SOX13: variants seen among roughly 807,000 people sequenced by gnomAD.
SOX13 encodes the protein transcription factor SOX-13.
SOX13 carries 28 observed loss-of-function variants against 71.8 expected under a neutral mutation model. The ratio of observed to expected loss-of-function variants is 0.39; its 90% CI spans 0.29 to 0.53. The LOEUF (loss-of-function observed/expected upper bound fraction) is 0.53. SOX13 is among the 20% of genes least tolerant of loss of function. The pLI, the probability that SOX13 is intolerant of heterozygous loss-of-function variation, is 0.70. For missense variants in SOX13, 627 were observed against 810.3 expected, an observed-to-expected ratio of 0.77 and a Z score of 2.75; for synonymous variants, 309 against 317.8, an observed-to-expected ratio of 0.97 and a Z score of 0.29.
At chr1:204,075,923 A>T (rs1259969133) in intron 1 of SOX13, among the ~76,000 whole-genome samples, 1 of 152,200 alleles carries the variant, frequency 6.6e-6, no homozygotes, top group African/African-American at 2.4e-5. Context: ...GCACTTGGTG[A>T]TTGTGCTCAA....
At chr1:204,112,824 T>TCA (rs1656613003) in intron 1 of SOX13, 91 bp from the exon 2 acceptor site, 1 of 1,015,598 alleles carries the variant, frequency 9.8e-7, no homozygotes, top group African/African-American at 1.6e-5. Flanking sequence ...GGCACTTGGG[T>TCA]GGGGTCAGGG....
At chr1:204,083,787 G>C (rs1655958868) in intron 1 of SOX13, among the ~76,000 whole-genome samples, 3 of 152,202 alleles carry the variant, frequency 2.0e-5, no homozygotes, top group Non-Finnish European at 4.4e-5. Context: ...GGGGCTGAAA[G>C]ACCATGAAGC....
Position 204,123,270 on chromosome 1 carries a change from A to G in SOX13, c.1231+62A>G. 2 of 1,362,926 alleles carry G rather than the reference A, an allele frequency of 1.5e-6. No homozygotes were observed. The highest frequency in any genetic ancestry group is 2.1e-6 in the Non-Finnish European group (2 of 952,472). The allele number at this position is 1,362,926 out of a possible 1,614,324, so 84.4% of individuals were successfully genotyped here. A position where few individuals can be genotyped will look rare whatever the true frequency, so the allele number is the denominator to read the frequency against. On this transcript the variant is annotated intron_variant, in intron 11 of 13. Coordinates refer to ENST00000367204, the MANE Select transcript of SOX13 (RefSeq NM_005686.3). This position sits in a 1 kb window ranked among gnomAD's most constrained non-coding sequence, Gnocchi z 5.0. ...CCCAACTCTGTATTCCACCAGGGCC[A>G]GGGCTGTGTCTGCCTCTGATCTCTT...
Position 204,123,495 on chromosome 1 carries a change from G to A in SOX13, c.1232-166G>A, listed in dbSNP as rs763779633. On this transcript the variant is annotated intron_variant, in intron 11 of 13. Coordinates refer to ENST00000367204, the MANE Select transcript of SOX13 (RefSeq NM_005686.3). The surrounding 1 kb of genome is among the most constrained non-coding windows in gnomAD (Gnocchi z 5.0). ...GCTGGGCCTCTGCGGATAATTTGCT[G>A]TTTCTTCTGCCCCATCTGCTCCTGC... is the stretch of plus-strand genomic sequence containing the variant. 6.6e-6 allele frequency among the ~76,000 whole-genome samples: 1 copy of A among 152,194 alleles called. No individual in the cohort carries two copies. Among genetic ancestry groups the A allele is most frequent in the Non-Finnish European group, 1.5e-5 (1 of 68,044 alleles).
rs1656710173 is a variant in SOX13 at position 204,117,102 on chromosome 1, C to G, written c.592-20C>G. The stretch of plus-strand genomic sequence containing the variant: ...GGCTAATGTCCGTGACCCCCTCTGC[C>G]TACTCTTTCCCTCTCCCAGATTGCA... On this transcript the variant is annotated intron_variant, in intron 5 of 13. Coordinates refer to ENST00000367204, the MANE Select transcript of SOX13 (RefSeq NM_005686.3). The G allele has an allele frequency of 1.2e-6, 2 of 1,613,306 alleles. No homozygotes were observed. The highest frequency in any genetic ancestry group is 2.2e-5 in the East Asian group (1 of 44,820).
intron 2 of SOX13, 66 bp downstream of exon 2, chr1:204,113,200 G>A: frequency 7.6e-7 from 1 of 1,313,590 alleles, no homozygotes; most frequent in South Asian, 1.5e-5. Context: ...CTGCTCGGCT[G>A]GGCAGGCCCA....
intron 1 of SOX13, among the ~76,000 whole-genome samples, chr1:204,085,823 C>A (rs1057064835): frequency 6.6e-6 from 1 of 151,274 alleles, no homozygotes; most frequent in Non-Finnish European, 1.5e-5. Context: ...AAAAAAAATA[C>A]AAAAAAATTA....
At chr1:204,117,943 C>T (rs1303865915) in intron 7 of SOX13, 1 of 545,052 alleles carries the variant, frequency 1.8e-6, no homozygotes, top group Non-Finnish European at 3.3e-6. Context: ...ATGTAGCAAT[C>T]CAGGTCTAGT....
chr1:204,112,500 T>TGC (rs942167012), intron 1 of SOX13, among the ~76,000 whole-genome samples: 629 of 51,536 alleles, frequency 0.012, 4 homozygotes, highest in African/African-American at 0.025. Flanking sequence ...CACACATGCG[T>TGC]GCACACACAC....
intron 1 of SOX13, among the ~76,000 whole-genome samples, chr1:204,084,656 A>T (rs906698496): frequency 6.6e-6 from 1 of 152,090 alleles, no homozygotes; most frequent in Non-Finnish European, 1.5e-5. Flanking sequence ...TGTAGACACA[A>T]AGGGCCTCTT....
intron 1 of SOX13, among the ~76,000 whole-genome samples, chr1:204,100,741 G>C (rs981113337): frequency 3.3e-5 from 5 of 152,238 alleles, no homozygotes; most frequent in Non-Finnish European, 7.3e-5. Flanking sequence ...TGCTGCCTGA[G>C]GAAGAGCTGC....
In SOX13 at chr1:204,114,370, G is replaced by T. The variant is rs1479755651; in HGVS notation, c.269G>T (p.Gly90Val). Residue 90 changes from glycine to valine, a missense_variant, in exon 3 of 14, where the codon GGA (glycine) becomes GTA (valine). By Grantham distance (109) the Gly-to-Val change is moderately radical (BLOSUM62 -3). Transcript: ENST00000367204. ...GGGTCCCCAGAACCCAAGAGACCAG[G>T]AGTGTCGGAGGCTGCCTCTGGAAGC... ...GNGSPEPKRPGVSEAASGSQE... is the reference protein window; with the variant it reads ...GNGSPEPKRPVVSEAASGSQE... 1 of 1,612,136 alleles carries T rather than the reference G, an allele frequency of 6.2e-7. No individual in the cohort carries two copies. The highest frequency in any genetic ancestry group is 8.5e-7 in the Non-Finnish European group (1 of 1,179,198).
chr1:204,078,578 G>A (rs1655830545), intron 1 of SOX13, among the ~76,000 whole-genome samples: 2 of 152,162 alleles, frequency 1.3e-5, no homozygotes, highest in Non-Finnish European at 2.9e-5. Context: ...AACTCGTTGC[G>A]GTCCTCACCC....
chr1:204,117,476 C>T, intron 6 of SOX13, 117 bp from the exon 7 acceptor site: 1 of 708,586 alleles, frequency 1.4e-6, no homozygotes, highest in Non-Finnish European at 2.4e-6. Context: ...GGAAAACTGT[C>T]CCTGCTTTAT....
intron 13 of SOX13, 39 bp from the exon 14 acceptor site, chr1:204,125,819 A>G: frequency 6.3e-7 from 1 of 1,587,866 alleles, no homozygotes; most frequent in Admixed American, 1.7e-5. Flanking sequence ...GGTTGAATCA[A>G]GTGTGCATCC....
At chr1:204,121,090 C>G (rs1186061779) in intron 7 of SOX13, among the ~76,000 whole-genome samples, 1 of 152,024 alleles carries the variant, frequency 6.6e-6, no homozygotes, top group Non-Finnish European at 1.5e-5. Flanking sequence ...AGCGATTCTC[C>G]TGCCTCAGCC....
At chr1:204,101,518 A>AAAAAAAAAG (rs61242533) in intron 1 of SOX13, among the ~76,000 whole-genome samples, 1 of 149,358 alleles carries the variant, frequency 6.7e-6, no homozygotes, top group African/African-American at 2.5e-5. Context: ...AAAAAAAAAA[A>AAAAAAAAAG]GTGGCAGGAG....
intron 4 of SOX13, among the ~76,000 whole-genome samples, chr1:204,115,520 T>C (rs928883162): frequency 1.4e-5 from 2 of 139,084 alleles, no homozygotes; most frequent in East Asian, 2.4e-4. Context: ...AAAAGGTCTA[T>C]GGCCAGGCAC....
chr1:204,074,394 G>C (rs1655741772), intron 1 of SOX13: 1 of 150,514 alleles, frequency 6.6e-6, no homozygotes, highest in Non-Finnish European at 1.5e-5. Context: ...TCGTAGGTGA[G>C]CCTTTTCATC....
Sources: allele counts gnomAD v4.1 joint callset (sites outside exome capture counted in the v4.1 genomes callset), GRCh38; gene constraint gnomAD v4.1.1; non-coding constraint Gnocchi (gnomAD v3.1); transcripts MANE v1.5; gene names NCBI Gene and HGNC (gene_info 2026-07-23, HGNC 2026-07-21).